SBF2: variants seen among roughly 807,000 people sequenced by gnomAD.
The protein encoded by SBF2 is SET binding factor 2.
In SBF2, 112 loss-of-function variants were observed where a neutral mutation model predicts 225.2. The observed-to-expected ratio is 0.50, with a 90% CI of 0.43 to 0.58. The LOEUF is 0.58. Ranked by LOEUF, SBF2 falls within the 20% of genes least tolerant of loss-of-function variation. SBF2 has a pLI of 0.00. For missense variants in SBF2, 1,996 were observed against 2,206.2 expected, an observed-to-expected ratio of 0.90 and a Z score of 1.91; for synonymous variants, 763 against 773.3, an observed-to-expected ratio of 0.99 and a Z score of 0.22.
At chr11:10,298,937 G>C (rs1449954574), upstream of SBF2, among the ~76,000 whole-genome samples, 1 of 152,204 alleles carries the variant, frequency 6.6e-6, no homozygotes, top group Non-Finnish European at 1.5e-5. Flanking sequence ...GTTAAGGACA[G>C]TAAGCAGGTT....
At chr11:10,212,425 C>A (rs577284736) in intron 1 of SBF2, among the ~76,000 whole-genome samples, 1 of 152,152 alleles carries the variant, frequency 6.6e-6, no homozygotes, top group Non-Finnish European at 1.5e-5. Flanking sequence ...TAATAAAAGA[C>A]CCCTTTCTTT....
intron 2 of SBF2, among the ~76,000 whole-genome samples, chr11:10,174,918 A>G (rs1193895626): frequency 6.6e-6 from 1 of 151,006 alleles, no homozygotes; most frequent in Non-Finnish European, 1.5e-5. Flanking sequence ...ACTAAACTTC[A>G]TAAGTGAAGG....
intron 2 of SBF2, among the ~76,000 whole-genome samples, chr11:10,055,280 C>T (rs1687846505): frequency 6.6e-6 from 1 of 152,080 alleles, no homozygotes; most frequent in African/African-American, 2.4e-5. Flanking sequence ...TTATATGCTG[C>T]TGCTGGGAAT....
At chr11:10,029,026 C>T (rs1392016618) in intron 5 of SBF2, among the ~76,000 whole-genome samples, 1 of 151,820 alleles carries the variant, frequency 6.6e-6, no homozygotes, top group Non-Finnish European at 1.5e-5. Context: ...AGTAAAAAGG[C>T]GAAGGGCAAG....
At chr11:9,975,955 T>C (rs1946659254) in intron 13 of SBF2, among the ~76,000 whole-genome samples, 1 of 152,164 alleles carries the variant, frequency 6.6e-6, no homozygotes, top group Admixed American at 6.5e-5. Flanking sequence ...TTTGGACTAG[T>C]TATTTCTTGT....
At chr11:9,790,788 C>A in intron 33 of SBF2, 105 bp from the exon 34 acceptor site, 1 of 864,838 alleles carries the variant, frequency 1.2e-6, no homozygotes. Context: ...TTTTTTATGG[C>A]TTTAAAAACA....
chr11:10,293,424 G>T (rs1340707640), intron 1 of SBF2, among the ~76,000 whole-genome samples: 1 of 152,216 alleles, frequency 6.6e-6, no homozygotes, highest in Non-Finnish European at 1.5e-5. Context: ...CGTCACATTT[G>T]TCCTGAAAGA....
rs181819314 is a variant in SBF2 at position 9,968,837 on chromosome 11, T to G, written c.1396-292A>C. Among the ~76,000 whole-genome samples, 1,211 of 152,292 alleles carry G rather than the reference T, an allele frequency of 8.0e-3. 66 individuals carry two copies. Among genetic ancestry groups the G allele is most frequent in the Admixed American group, 0.076 (1,162 of 15,286 alleles). On this transcript the variant is annotated intron_variant, in intron 13 of 39. Coordinates refer to ENST00000256190, the MANE Select transcript of SBF2 (RefSeq NM_030962.4). Reference sequence around the variant, plus strand: ...TCATCTCCCTAATCCCTTAACAATGTGAATATCTCAGGGCTCAGTCCTTGG... The same window carrying G: ...TCATCTCCCTAATCCCTTAACAATGGGAATATCTCAGGGCTCAGTCCTTGG...
chr11:10,066,843 T>C (rs973310157), intron 2 of SBF2, among the ~76,000 whole-genome samples: 3 of 152,182 alleles, frequency 2.0e-5, no homozygotes, highest in Non-Finnish European at 4.4e-5. Context: ...AAGAGTGGAC[T>C]CTACAAAGAG....
At position 10,091,946 on chromosome 11, in the gene SBF2, C is replaced by T. The variant is rs140979042; in HGVS notation, c.142-48965G>A. Among the ~76,000 whole-genome samples, 13 of 152,256 alleles carry T rather than the reference C, an allele frequency of 8.5e-5. No homozygotes were observed. In the East Asian group the frequency reaches 2.1e-3, roughly 25 times the overall value. On this transcript the variant is annotated intron_variant, in intron 2 of 39. Coordinates refer to ENST00000256190, the MANE Select transcript of SBF2 (RefSeq NM_030962.4). ...GGAAGAGGCCCAGAAGTTATCAGTA[C>T]AATTTGGATTAGTCAAGTAATAGTT...
intron 16 of SBF2, 81 bp from the exon 17 acceptor site, chr11:9,896,092 A>C (rs1166065645): frequency 9.4e-7 from 1 of 1,069,454 alleles, no homozygotes; most frequent in East Asian, 2.4e-5. Context: ...TCTGGGATAC[A>C]CTGTTTACTG....
At chr11:10,184,459 G>A (rs1390930512) in intron 2 of SBF2, among the ~76,000 whole-genome samples, 1 of 152,134 alleles carries the variant, frequency 6.6e-6, no homozygotes, top group East Asian at 1.9e-4. Flanking sequence ...GTTAACTACA[G>A]TAAAATATAT....
chr11:10,002,556 C>A lies in SBF2; in HGVS notation c.752+1G>T, dbSNP rs766274184. 1 of 1,608,900 alleles carries A rather than the reference C, an allele frequency of 6.2e-7. No individual in the cohort carries two copies. The highest frequency in any genetic ancestry group is 1.1e-5 in the South Asian group (1 of 90,890). ...ATAAAATTAACAAATGAAAACCTCA[C>A]CTATATTTAAGAGGAAACATTAAAG... is the stretch of plus-strand genomic sequence containing the variant. On this transcript the variant is annotated splice_donor_variant, in intron 7 of 39. Coordinates refer to ENST00000256190, the MANE Select transcript of SBF2 (RefSeq NM_030962.4). LOFTEE classifies it high-confidence loss of function.
At chr11:10,088,940 T>A (rs991175658) in intron 2 of SBF2, among the ~76,000 whole-genome samples, 4 of 152,230 alleles carry the variant, frequency 2.6e-5, no homozygotes, top group African/African-American at 9.6e-5. Flanking sequence ...GGTTGTTCAA[T>A]AAATTAACTG....
chr11:10,171,094 T>C (rs929643856), intron 2 of SBF2, among the ~76,000 whole-genome samples: 1 of 152,198 alleles, frequency 6.6e-6, no homozygotes, highest in South Asian at 2.1e-4. Context: ...AGAAGGATAA[T>C]TTGACTCCCT....
intron 2 of SBF2, among the ~76,000 whole-genome samples, chr11:10,175,007 G>A (rs1195948828): frequency 6.6e-6 from 1 of 151,942 alleles, no homozygotes; most frequent in African/African-American, 2.4e-5. Context: ...AGCTCCTGAA[G>A]GAAGCGCTAA....
At chr11:9,936,973 C>T (rs1481879519) in intron 16 of SBF2, among the ~76,000 whole-genome samples, 2 of 152,152 alleles carry the variant, frequency 1.3e-5, no homozygotes, top group Non-Finnish European at 2.9e-5. Context: ...ACCTAATCAT[C>T]TCTTAAAGGT....
chr11:10,172,743 T>C (rs773456375), intron 2 of SBF2, among the ~76,000 whole-genome samples: 111 of 123,292 alleles, frequency 9.0e-4, no homozygotes, highest in Non-Finnish European at 1.1e-3. Flanking sequence ...CTTGGCTCAC[T>C]GTAACCTCTG....
chr11:10,144,187 A>G (rs994302301), intron 2 of SBF2, among the ~76,000 whole-genome samples: 5 of 152,184 alleles, frequency 3.3e-5, no homozygotes, highest in Non-Finnish European at 5.9e-5. Flanking sequence ...CCCTATTTAG[A>G]AATAAAAATT....
Sources: allele counts gnomAD v4.1 joint callset (sites outside exome capture counted in the v4.1 genomes callset), GRCh38; gene constraint gnomAD v4.1.1; transcripts MANE v1.5; gene names NCBI Gene and HGNC (gene_info 2026-07-23, HGNC 2026-07-21).